ART3: variants seen among roughly 807,000 people sequenced by gnomAD.
ART3 encodes the protein ecto-ADP-ribosyltransferase 3.
ART3 carries 49 observed loss-of-function variants against 48.5 expected under a neutral mutation model. The ratio of observed to expected loss-of-function variants is 1.01; its 90% CI spans 0.80 to 1.28. ART3 has a LOEUF of 1.28. Ranked by LOEUF, ART3 falls within the 50% of genes most tolerant of loss-of-function variation. The pLI, the probability that ART3 is intolerant of heterozygous loss-of-function variation, is 0.00. For synonymous variants in ART3, 145 were observed against 157.2 expected (o/e 0.92, Z 0.58); for missense variants, 438 against 454.3 (o/e 0.96, Z 0.33).
chr4:76,014,358 AG>A (rs1732071886), intron 1 of ART3, among the ~76,000 whole-genome samples: 1 of 152,210 alleles, frequency 6.6e-6, no homozygotes, highest in Non-Finnish European at 1.5e-5. Flanking sequence ...ATTATAAAAA[AG>A]GAAACAAATA....
rs557563368 is a variant in ART3, at chr4:76,025,008, C to T, written c.-10+13688C>T. Among the ~76,000 whole-genome samples the T allele has an allele frequency of 3.3e-5, 5 of 152,216 alleles. No homozygotes were observed. In the South Asian group the frequency reaches 1.0e-3, roughly 32 times the overall value. On this transcript the variant is annotated intron_variant, in intron 1 of 9. Coordinates refer to the ART3 transcript ENST00000341029. The stretch of plus-strand genomic sequence containing the variant: ...ATGGAATTTGCTAGAGAGCTGAATC[C>T]CATGTTAATCTGTTCTAGGAACTGG...
At chr4:76,080,207 T>C (rs1212654857) in intron 2 of ART3, among the ~76,000 whole-genome samples, 1 of 152,204 alleles carries the variant, frequency 6.6e-6, no homozygotes, top group East Asian at 1.9e-4. Flanking sequence ...TCTAATGTAG[T>C]TCACTTGAAT....
chr4:76,035,295 C>T, intron 1 of ART3: 10 of 1,614,020 alleles, frequency 6.2e-6, no homozygotes, highest in Non-Finnish European at 8.5e-6. Context: ...ACTGCTTTTA[C>T]CCCAGGGCCT....
In ART3 at chr4:76,082,520, T is replaced by C. The variant is rs748355527; in HGVS notation, c.766T>C (p.Cys256Arg). Reference protein sequence around the residue: ...SINKTCSHYECAFLGGLKTEN... With the variant: ...SINKTCSHYERAFLGGLKTEN... The stretch of plus-strand genomic sequence containing the variant: ...AAACAAGACCTGCAGCCATTATGAG[T>C]GTGCATTTCTAGGTGGTAAGTGTCT... The change falls in exon 3 of 12, where the codon TGT (cysteine) becomes CGT (arginine). Residue 256 changes from cysteine (C) to arginine (R), a missense_variant. Transcript: ENST00000355810. 6 of 1,582,618 alleles carry C rather than the reference T, an allele frequency of 3.8e-6. No individual in the cohort carries two copies. The highest frequency in any genetic ancestry group is 2.2e-5 in the East Asian group (1 of 44,606).
intron 1 of ART3, among the ~76,000 whole-genome samples, chr4:76,037,495 G>A (rs375425801): frequency 6.6e-6 from 1 of 151,076 alleles, no homozygotes; most frequent in East Asian, 1.9e-4. Context: ...AATGAGATGG[G>A]TCTCACTCTG....
rs1219038809 is a variant in ART3, at chr4:76,043,669, C to T, written c.-9-32212C>T. Among the ~76,000 whole-genome samples, 4 of 151,920 alleles carry T rather than the reference C, an allele frequency of 2.6e-5. No homozygotes were observed. The South Asian group carries it at 6.2e-4, about 24-fold the overall frequency. On this transcript the variant is annotated intron_variant, in intron 1 of 9. Coordinates refer to the ART3 transcript ENST00000341029. ...CCCTGGTTCCCACTGGCGCCTGTCC[C>T]TCCACACCTCCCTGCAAGCTGAGCG...
At chr4:76,077,037 C>G (rs1487759004) in intron 2 of ART3, among the ~76,000 whole-genome samples, 10 of 152,108 alleles carry the variant, frequency 6.6e-5, no homozygotes, top group African/African-American at 1.9e-4. Context: ...ATATAATTTA[C>G]ATACCATAAA....
chr4:76,059,788 A>G (rs1434038198), intron 1 of ART3, among the ~76,000 whole-genome samples: 3 of 152,204 alleles, frequency 2.0e-5, no homozygotes, highest in African/African-American at 7.2e-5. Flanking sequence ...AAAGCAGGCA[A>G]ACTTTATAAA....
chr4:76,031,355 A>G (rs1365381637), intron 1 of ART3, among the ~76,000 whole-genome samples: 3 of 92,296 alleles, frequency 3.3e-5, no homozygotes, highest in African/African-American at 1.5e-4. Flanking sequence ...TCAAACAGAG[A>G]AATGTTAAAA....
intron 1 of ART3, among the ~76,000 whole-genome samples, chr4:76,013,637 A>G (rs957544966): frequency 1.3e-5 from 2 of 152,178 alleles, no homozygotes; most frequent in African/African-American, 4.8e-5. Context: ...TTACTATTTT[A>G]AAAAAGATTT....
At chr4:76,055,515 C>T (rs1371755015) in intron 1 of ART3, among the ~76,000 whole-genome samples, 6 of 152,144 alleles carry the variant, frequency 3.9e-5, no homozygotes, top group African/African-American at 1.4e-4. Context: ...CAGAGGACAG[C>T]AGCAATGAAA....
chr4:76,043,512 C>T (rs570711679), intron 1 of ART3, among the ~76,000 whole-genome samples: 42 of 152,282 alleles, frequency 2.8e-4, no homozygotes, highest in South Asian at 1.0e-3. Context: ...GTACACCCTC[C>T]GCAGCTGCTG....
At chr4:76,074,048 T>G (rs1470688250), upstream of ART3, among the ~76,000 whole-genome samples, 1 of 152,234 alleles carries the variant, frequency 6.6e-6, no homozygotes, top group African/African-American at 2.4e-5. Flanking sequence ...TTTTTGTGTT[T>G]TTTAAATCCA....
intron 3 of ART3, among the ~76,000 whole-genome samples, chr4:76,096,544 A>G (rs1238148550): frequency 2.0e-5 from 3 of 152,152 alleles, no homozygotes; most frequent in Admixed American, 6.5e-5. Context: ...TGAAGTAGAG[A>G]CCACGAGGCA....
intron 1 of ART3, among the ~76,000 whole-genome samples, chr4:76,046,871 C>A (rs1404702133): frequency 1.3e-5 from 2 of 152,018 alleles, no homozygotes; most frequent in Non-Finnish European, 2.9e-5. Flanking sequence ...GGTAACGGAC[C>A]TTGAGGACAG....
chr4:76,056,631 T>A (rs4422436), intron 1 of ART3, among the ~76,000 whole-genome samples: 53 of 151,976 alleles, frequency 3.5e-4, no homozygotes, highest in Non-Finnish European at 7.2e-4. Context: ...CCAGGAAAGG[T>A]GCAAAGTTCC....
At chr4:76,044,295 G>A (rs963727511) in intron 1 of ART3, among the ~76,000 whole-genome samples, 5 of 151,996 alleles carry the variant, frequency 3.3e-5, no homozygotes, top group African/African-American at 7.2e-5. Flanking sequence ...TCCCCGACTG[G>A]TTAGTGTGAA....
At chr4:76,017,635 C>T (rs1292173490) in intron 1 of ART3, among the ~76,000 whole-genome samples, 2 of 152,282 alleles carry the variant, frequency 1.3e-5, no homozygotes, top group South Asian at 4.1e-4. Flanking sequence ...AGTCCACTGG[C>T]TCTTCAGCAC....
intron 11 of ART3, among the ~76,000 whole-genome samples, chr4:76,110,393 A>G (rs1209610761): frequency 2.0e-5 from 3 of 152,166 alleles, no homozygotes; most frequent in African/African-American, 4.8e-5. Context: ...ATGCTATTTT[A>G]TATAAGGGAC....
Sources: gnomAD v4.1 joint callset for allele counts (sites outside exome capture counted in the v4.1 genomes callset) on GRCh38, gnomAD v4.1.1 for gene constraint, MANE v1.5 for transcripts, NCBI Gene and HGNC (gene_info 2026-07-23, HGNC 2026-07-21) for gene names.